Variants in BTRC observed in about 807,000 individuals in gnomAD.
The protein encoded by BTRC is beta-transducin repeat containing E3 ubiquitin protein ligase.
In BTRC, 42 loss-of-function variants were observed where a neutral mutation model predicts 85.5. The ratio of observed to expected loss-of-function variants is 0.49; its 90% CI spans 0.38 to 0.64. BTRC has a LOEUF of 0.64. Ranked by LOEUF, BTRC falls within the 30% of genes least tolerant of loss-of-function variation. The pLI is 0.00. For synonymous variants in BTRC, 255 were observed against 263.3 expected, an observed-to-expected ratio of 0.97 and a Z score of 0.30; for missense variants, 594 against 743.5, an observed-to-expected ratio of 0.80 and a Z score of 2.34.
rs540443426 is a variant in BTRC, at chr10:101,477,022, G to A, written c.235-2346G>A. 2.6e-5 allele frequency among the ~76,000 whole-genome samples: 4 copies of A among 152,230 alleles called. No homozygotes were observed. In the East Asian group the frequency reaches 5.8e-4, roughly 22 times the overall value. On this transcript the variant is annotated intron_variant, in intron 3 of 14. Coordinates refer to ENST00000370187, the MANE Select transcript of BTRC (RefSeq NM_033637.4). Reference sequence around the variant, plus strand: ...GACAGAGTCTTGCTCTGTCACCCACGCTGGAGTGCCGTGGCACGATCTAGG... The same window carrying A: ...GACAGAGTCTTGCTCTGTCACCCACACTGGAGTGCCGTGGCACGATCTAGG...
chr10:101,464,577 A>T (rs967625187), intron 3 of BTRC, among the ~76,000 whole-genome samples: 4 of 114,690 alleles, frequency 3.5e-5, no homozygotes, highest in African/African-American at 1.4e-4. Context: ...TTTTTCTAAT[A>T]TCTGTCATTC....
In BTRC at chr10:101,555,799, C is replaced by G. The variant is rs2062717052; in HGVS notation, c.*2676C>G. 1 of 152,306 alleles carries G rather than the reference C, an allele frequency of 6.6e-6. No homozygotes were observed. 9.4% of individuals were successfully genotyped at this position (152,306 alleles called of 1,614,324 possible). ...TGTCCCCATTGTAGATTAGTCTCTT[C>G]TCACTAAAATTTACTTTCCAACGTA... On this transcript the variant is annotated 3_prime_UTR_variant, in exon 15 of 15. Coordinates refer to ENST00000370187, the MANE Select transcript of BTRC (RefSeq NM_033637.4).
chr10:101,535,000 G>A, intron 10 of BTRC, 90 bp downstream of exon 10: 1 of 1,427,992 alleles, frequency 7.0e-7, no homozygotes, highest in Non-Finnish European at 9.7e-7. Flanking sequence ...TTTAAACGTT[G>A]CTACAGAAAA....
chr10:101,392,693 G>C lies in BTRC; in HGVS notation c.49-37652G>C, dbSNP rs182732508. Reference sequence around the variant, plus strand: ...TTTTTTGTAGTTTTAGTAGAGACAGGGTTTCACCATAGTAGAGACAGGGTT... The same window carrying C: ...TTTTTTGTAGTTTTAGTAGAGACAGCGTTTCACCATAGTAGAGACAGGGTT... On this transcript the variant is annotated intron_variant, in intron 1 of 14. Transcript: ENST00000370187. Among the ~76,000 whole-genome samples the C allele has an allele frequency of 2.7e-3, 405 of 151,916 alleles. 3 individuals are homozygous for C. The highest frequency in any genetic ancestry group is 8.3e-3 in the African/African-American group (343 of 41,470).
intron 3 of BTRC, among the ~76,000 whole-genome samples, chr10:101,477,910 A>G (rs1180734725): frequency 1.3e-5 from 2 of 151,880 alleles, no homozygotes; most frequent in Admixed American, 1.3e-4. Context: ...TCGGCTTCCC[A>G]AAGTGTTAGG....
At chr10:101,487,626 A>T (rs1289562973) in intron 4 of BTRC, among the ~76,000 whole-genome samples, 1 of 152,226 alleles carries the variant, frequency 6.6e-6, no homozygotes, top group Non-Finnish European at 1.5e-5. Flanking sequence ...GCGATGGGCA[A>T]TATGGCAGCA....
intron 4 of BTRC, among the ~76,000 whole-genome samples, chr10:101,499,874 A>T (rs1351498533): frequency 2.0e-5 from 3 of 152,054 alleles, no homozygotes; most frequent in African/African-American, 7.2e-5. Context: ...TTTAGTTATT[A>T]CAATAGCTAG....
chr10:101,363,064 T>C (rs1210312560), intron 1 of BTRC, among the ~76,000 whole-genome samples: 1 of 152,210 alleles, frequency 6.6e-6, no homozygotes, highest in East Asian at 1.9e-4. Flanking sequence ...CTATGGAGGT[T>C]TGACTATAAT....
rs752366731 is a variant in BTRC at position 101,532,968 on chromosome 10, C to T, written c.995C>T (p.Thr332Ile). 1.2e-6 allele frequency: 2 copies of T among 1,611,920 alleles called. No individual in the cohort carries two copies. The highest frequency in any genetic ancestry group is 1.7e-6 in the Non-Finnish European group (2 of 1,178,488). Residue 332 changes from threonine (T) to isoleucine (I), a missense_variant, in exon 9 of 15, where the codon ACA becomes ATA. Physicochemically the swap from Thr to Ile is moderately conservative, Grantham distance 89. This residue lies in a region of BTRC where 373 missense variants were observed against 503.6 expected (regional missense o/e 0.74). Transcript: ENST00000370187. The part of the protein sequence containing the change: ...DNTIKIWDKN[T>I]LECKRILTGH... ...CCATCCTAGATCTGGGATAAAAACA[C>T]ATTGGAATGCAAGCGAATTCTCACA...
chr10:101,519,428 G>T, intron 4 of BTRC, among the ~76,000 whole-genome samples: 1 of 152,060 alleles, frequency 6.6e-6, no homozygotes. Flanking sequence ...GCTGTTGTAG[G>T]ACTGAGGCCC....
chr10:101,446,614 G>A (rs1944833159), intron 2 of BTRC, among the ~76,000 whole-genome samples: 1 of 152,046 alleles, frequency 6.6e-6, no homozygotes, highest in South Asian at 2.1e-4. Flanking sequence ...TTGTTGAGAG[G>A]CACTTTGCTT....
intron 2 of BTRC, chr10:101,453,481 A>G (rs1431687572): frequency 6.6e-6 from 1 of 152,212 alleles, no homozygotes; most frequent in Non-Finnish European, 1.5e-5. Context: ...TTTATTTATA[A>G]CAGATGTCTC....
chr10:101,457,354 A>T (rs1423453321), intron 2 of BTRC, among the ~76,000 whole-genome samples: 2 of 152,190 alleles, frequency 1.3e-5, no homozygotes, highest in Admixed American at 1.3e-4. Flanking sequence ...TGGTGGTGGG[A>T]TGTCAGGAGC....
chr10:101,449,354 C>G (rs534819893), intron 2 of BTRC, among the ~76,000 whole-genome samples: 1 of 151,920 alleles, frequency 6.6e-6, no homozygotes, highest in Non-Finnish European at 1.5e-5. Context: ...GTCATACGTC[C>G]TAAGGGTTCT....
intron 4 of BTRC, among the ~76,000 whole-genome samples, chr10:101,494,981 C>T (rs933245838): frequency 2.6e-5 from 4 of 152,238 alleles, no homozygotes; most frequent in East Asian, 3.9e-4. Context: ...ACAGGCTTTA[C>T]GTTGAAAAAG....
At chr10:101,501,349 T>C (rs937383457) in intron 4 of BTRC, among the ~76,000 whole-genome samples, 1 of 152,214 alleles carries the variant, frequency 6.6e-6, no homozygotes, top group Non-Finnish European at 1.5e-5. Flanking sequence ...AGACTGAGCT[T>C]CAGATAATCC....
chr10:101,520,883 C>T (rs1474044526), intron 4 of BTRC, among the ~76,000 whole-genome samples: 2 of 151,984 alleles, frequency 1.3e-5, no homozygotes, highest in Non-Finnish European at 2.9e-5. Flanking sequence ...CTTGATTCTC[C>T]GCCTGGGAGG....
rs2062111059 is a variant in BTRC at position 101,521,878 on chromosome 10, T to C, written c.556+8T>C. On this transcript the variant is annotated splice_region_variant and intron_variant, in intron 5 of 14. Transcript: ENST00000370187. ...TCATAACTGCTCTGCCAGGTATGTCTACAAGTGTTTGTAAACCATTAATTT... is the reference window on the plus strand; with the variant it reads ...TCATAACTGCTCTGCCAGGTATGTCCACAAGTGTTTGTAAACCATTAATTT... 1.9e-6 allele frequency: 3 copies of C among 1,584,230 alleles called. No homozygotes were observed. The highest frequency in any genetic ancestry group is 2.6e-6 in the Non-Finnish European group (3 of 1,153,758).
chr10:101,527,332 A>G (rs2062206998), intron 6 of BTRC, among the ~76,000 whole-genome samples: 1 of 130,338 alleles, frequency 7.7e-6, no homozygotes, highest in Non-Finnish European at 1.6e-5. Context: ...AAATACAATG[A>G]CCTATAAATA....
Sources: allele counts gnomAD v4.1 joint callset (sites outside exome capture counted in the v4.1 genomes callset), GRCh38; gene constraint gnomAD v4.1.1; regional missense constraint gnomAD v4.1.1; transcripts MANE v1.5; gene names NCBI Gene and HGNC (gene_info 2026-07-23, HGNC 2026-07-21).